The following HRH1 variants were observed in gnomAD, a reference collection of about 807,000 sequenced individuals.
The protein encoded by HRH1 is histamine H1 receptor.
Under a neutral mutation model 10.3 loss-of-function variants are expected in HRH1, and 6 were observed. The ratio of observed to expected loss-of-function variants is 0.58; its 90% confidence interval spans 0.32 to 1.15. The LOEUF is 1.15. Ranked by LOEUF, HRH1 falls within the 50% of genes most tolerant of loss-of-function variation. The pLI is 0.05. For synonymous variants in HRH1, 242 were observed against 236.7 expected (o/e 1.02, Z -0.21); for missense variants, 514 against 615.3 (o/e 0.84, Z 1.74).
intron 1 of HRH1, among the ~76,000 whole-genome samples, chr3:11,202,427 TAAATAAA>T (rs1937960501): frequency 1.3e-5 from 2 of 149,620 alleles, no homozygotes; most frequent in African/African-American, 2.5e-5. Context: ...AATAAATAAA[TAAATAAA>T]TAATTAATTA....
intron 1 of HRH1, among the ~76,000 whole-genome samples, chr3:11,199,128 CAGGCTGGTCTTGAACTCCTGG>C (rs998519680): frequency 6.6e-6 from 1 of 152,000 alleles, no homozygotes. Context: ...CCGTGTTGGC[CAGGCTGGTCTTGAACTCCTGG>C]AGGCTGGTCT....
At chr3:11,206,141 G>T (rs1364161737) in intron 1 of HRH1, among the ~76,000 whole-genome samples, 1 of 151,962 alleles carries the variant, frequency 6.6e-6, no homozygotes, top group Non-Finnish European at 1.5e-5. Flanking sequence ...TTGAGACAGG[G>T]TCTTGCTCTG....
intron 1 of HRH1, among the ~76,000 whole-genome samples, chr3:11,146,788 A>G (rs911502099): frequency 1.3e-5 from 2 of 152,182 alleles, no homozygotes; most frequent in African/African-American, 4.8e-5. Flanking sequence ...TCATATGTCT[A>G]CCAGAATTCT....
intron 1 of HRH1, among the ~76,000 whole-genome samples, chr3:11,182,539 C>T (rs930060451): frequency 1.3e-5 from 2 of 152,160 alleles, no homozygotes; most frequent in Non-Finnish European, 2.9e-5. Context: ...GGAACTCAGC[C>T]CAGGGAGGGA....
At chr3:11,252,054 CAG>C (rs1491534618) in intron 1 of HRH1, among the ~76,000 whole-genome samples, 2 of 152,168 alleles carry the variant, frequency 1.3e-5, no homozygotes, top group Admixed American at 1.3e-4. Context: ...AAAGCTAGGA[CAG>C]GGGCAGTTAC....
At chr3:11,251,783 C>A (rs749772934) in intron 1 of HRH1, among the ~76,000 whole-genome samples, 2 of 152,212 alleles carry the variant, frequency 1.3e-5, no homozygotes, top group African/African-American at 4.8e-5. Flanking sequence ...TTTCTGCCTT[C>A]TGATTTAGGA....
At chr3:11,151,009 G>T (rs7641007), upstream of HRH1, among the ~76,000 whole-genome samples, 21,950 of 152,184 alleles carry the variant, frequency 0.14, 1,821 homozygotes, top group East Asian at 0.3. Context: ...CACCTCGATT[G>T]TCTTTTAAGG....
intron 1 of HRH1, among the ~76,000 whole-genome samples, chr3:11,216,323 C>T (rs1252635407): frequency 6.6e-6 from 1 of 152,136 alleles, no homozygotes; most frequent in East Asian, 1.9e-4. Flanking sequence ...CTATATACAC[C>T]CATGTTCATA....
At chr3:11,174,723 T>G (rs67146820) in intron 1 of HRH1, among the ~76,000 whole-genome samples, 1 of 152,070 alleles carries the variant, frequency 6.6e-6, no homozygotes, top group Non-Finnish European at 1.5e-5. Flanking sequence ...CTCCAGTGCT[T>G]TGAAGGCTGG....
chr3:11,180,086 T>C (rs1431566858), intron 1 of HRH1, among the ~76,000 whole-genome samples: 1 of 152,152 alleles, frequency 6.6e-6, no homozygotes. Flanking sequence ...TAAATGGCCT[T>C]ATTAAGATGT....
intron 1 of HRH1, among the ~76,000 whole-genome samples, chr3:11,257,028 G>A (rs1278589324): frequency 2.0e-5 from 3 of 151,814 alleles, no homozygotes; most frequent in African/African-American, 7.3e-5. Flanking sequence ...CAAGGTGGGC[G>A]GATCATCTGA....
chr3:11,247,756 A>G (rs1416202488), intron 1 of HRH1, among the ~76,000 whole-genome samples: 1 of 152,198 alleles, frequency 6.6e-6, no homozygotes, highest in Non-Finnish European at 1.5e-5. Flanking sequence ...ATGCCTTAGC[A>G]TATCTAGGCT....
At chr3:11,251,398 G>A (rs558271650) in intron 1 of HRH1, among the ~76,000 whole-genome samples, 3 of 152,188 alleles carry the variant, frequency 2.0e-5, no homozygotes, top group South Asian at 2.1e-4. Flanking sequence ...AAAGGCATAC[G>A]TGGAGTCAGT....
At chr3:11,250,428 C>T (rs747603056) in intron 1 of HRH1, among the ~76,000 whole-genome samples, 5 of 151,902 alleles carry the variant, frequency 3.3e-5, no homozygotes, top group Non-Finnish European at 7.4e-5. Flanking sequence ...ATGATGCGTC[C>T]ATCCTCTCTC....
chr3:11,198,131 G>C (rs912134660), intron 1 of HRH1, among the ~76,000 whole-genome samples: 1 of 152,082 alleles, frequency 6.6e-6, no homozygotes, highest in African/African-American at 2.4e-5. Flanking sequence ...TTCAGGCTCC[G>C]CATCTGCAAG....
At chr3:11,158,221 A>G (rs6796607) in intron 1 of HRH1, among the ~76,000 whole-genome samples, 39,061 of 152,164 alleles carry the variant, frequency 0.26, 6,533 homozygotes, top group African/African-American at 0.47. Context: ...GGGCATAAGC[A>G]AGCAAGTTGG....
intron 1 of HRH1, among the ~76,000 whole-genome samples, chr3:11,211,472 G>A (rs969317465): frequency 1.6e-4 from 25 of 152,230 alleles, no homozygotes; most frequent in African/African-American, 5.8e-4. Flanking sequence ...ACGTGAAACA[G>A]TGTTTCATAA....
chr3:11,248,698 A>T (rs1939555375), intron 1 of HRH1, among the ~76,000 whole-genome samples: 1 of 152,388 alleles, frequency 6.6e-6, no homozygotes, highest in South Asian at 2.1e-4. Context: ...TCCCCCTGCC[A>T]TGAAAGGCAA....
At chr3:11,256,891 G>C (rs1197196629) in intron 1 of HRH1, among the ~76,000 whole-genome samples, 2 of 152,136 alleles carry the variant, frequency 1.3e-5, no homozygotes, top group Admixed American at 1.3e-4. Context: ...AAATTATTGA[G>C]AGAAATTTAC....
Sources: gnomAD v4.1 joint callset for allele counts (sites outside exome capture counted in the v4.1 genomes callset) on GRCh38, gnomAD v4.1.1 for gene constraint, MANE v1.5 for transcripts, NCBI Gene and HGNC (gene_info 2026-07-23, HGNC 2026-07-21) for gene names.